Variants in ADCY9 observed in about 807,000 individuals in gnomAD.
ADCY9 encodes adenylate cyclase type 9.
In ADCY9, 50 loss-of-function variants were observed where a neutral mutation model predicts 101.5. The ratio of observed to expected loss-of-function variants is 0.49; its 90% CI spans 0.39 to 0.62. ADCY9 has a LOEUF of 0.62. Ranked by LOEUF, ADCY9 falls within the 20% of genes least tolerant of loss-of-function variation. The pLI, the probability that ADCY9 is intolerant of heterozygous loss-of-function variation, is 0.00. For synonymous variants in ADCY9, 905 were observed against 769.3 expected (o/e 1.18, Z -2.92); for missense variants, 1,662 against 1,800.4 (o/e 0.92, Z 1.39).
intron 2 of ADCY9, among the ~76,000 whole-genome samples, chr16:4,107,622 G>C (rs1171443302): frequency 6.7e-6 from 1 of 148,740 alleles, no homozygotes; most frequent in Non-Finnish European, 1.5e-5. Context: ...CAAGGAGACT[G>C]AGCTCTGCTA....
intron 2 of ADCY9, among the ~76,000 whole-genome samples, chr16:4,034,871 A>C (rs1018762874): frequency 3.3e-5 from 5 of 152,090 alleles, no homozygotes; most frequent in Non-Finnish European, 7.3e-5. Flanking sequence ...TGGAAGCAAG[A>C]CCCTTCTGGT....
At position 3,965,761 on chromosome 16, in the gene ADCY9, G is replaced by A. The variant is rs377050444; in HGVS notation, c.*14C>T. On this transcript the variant is annotated 3_prime_UTR_variant, in exon 11 of 11. Transcript: ENST00000294016. ...CGACAAACAGAGCACCTCGGGCAGC[G>A]GGTGGGCGCCGCCTCACACACTCTT... 1.1e-4 allele frequency: 182 copies of A among 1,595,650 alleles called. No individual in the cohort carries two copies. Among genetic ancestry groups the A allele is most frequent in the Non-Finnish European group, 1.5e-4 (174 of 1,169,846 alleles).
intron 2 of ADCY9, among the ~76,000 whole-genome samples, chr16:4,080,545 C>CA (rs1419772581): frequency 2.0e-5 from 3 of 152,162 alleles, no homozygotes. Flanking sequence ...AGGCATGACC[C>CA]ACCGTTCCCA....
At chr16:3,994,538 G>A (rs139726318) in intron 3 of ADCY9, among the ~76,000 whole-genome samples, 130 of 152,162 alleles carry the variant, frequency 8.5e-4, no homozygotes, top group African/African-American at 2.9e-3. Flanking sequence ...TCACTGCAAC[G>A]TCCACCTCCT....
chr16:4,115,476 T>A lies in ADCY9; in HGVS notation c.-34A>T. ...GTCCCGGGGCCTGCCCCGGCCGGGG[T>A]CACCAGTACCTGCCAGCAAAACGGG... On this transcript the variant is annotated 5_prime_UTR_variant, in exon 2 of 11. Transcript: ENST00000294016. This position sits in a 1 kb window ranked among gnomAD's most constrained non-coding sequence, Gnocchi z 6.2. 6.7e-7 allele frequency: 1 copy of A among 1,494,554 alleles called. No homozygotes were observed. Among genetic ancestry groups the A allele is most frequent in the South Asian group, 1.3e-5 (1 of 76,992 alleles). The allele number at this position is 1,494,554 out of a possible 1,614,324, so 92.6% of individuals were successfully genotyped here.
At chr16:4,073,751 T>C in intron 2 of ADCY9, among the ~76,000 whole-genome samples, 1 of 152,138 alleles carries the variant, frequency 6.6e-6, no homozygotes, top group East Asian at 1.9e-4. Flanking sequence ...AGACAAAGGC[T>C]GAGATCATTT....
At chr16:4,035,172 T>C (rs2056581042) in intron 2 of ADCY9, among the ~76,000 whole-genome samples, 1 of 152,180 alleles carries the variant, frequency 6.6e-6, no homozygotes, top group Non-Finnish European at 1.5e-5. Flanking sequence ...TGATAATTGC[T>C]TTGGGTTGAC....
chr16:3,964,232 C>G lies in ADCY9; in HGVS notation c.*1543G>C, dbSNP rs1344285508. 6.6e-6 allele frequency: 1 copy of G among 152,302 alleles called. No homozygotes were observed. The highest frequency in any genetic ancestry group is 1.5e-5 in the Non-Finnish European group (1 of 68,108). 9.4% of individuals were successfully genotyped at this position (152,302 alleles called of 1,614,324 possible). Reference sequence around the variant, plus strand: ...GGGCAAGACTGACAAGGAGTGCACCCTGGGCCTCATCAGCGTCCCGGGGTC... The same window carrying G: ...GGGCAAGACTGACAAGGAGTGCACCGTGGGCCTCATCAGCGTCCCGGGGTC... On this transcript the variant is annotated 3_prime_UTR_variant, in exon 11 of 11. Transcript: ENST00000294016.
At chr16:4,016,593 T>C (rs138147468) in intron 2 of ADCY9, among the ~76,000 whole-genome samples, 3 of 151,878 alleles carry the variant, frequency 2.0e-5, no homozygotes, top group East Asian at 3.9e-4. Context: ...AAATAGATTA[T>C]AGAAAGAAGA....
chr16:3,960,005 AAC>A (rs1377278689), downstream of ADCY9, among the ~76,000 whole-genome samples: 1 of 151,732 alleles, frequency 6.6e-6, no homozygotes, highest in Non-Finnish European at 1.5e-5. Context: ...TAGCCTGGGC[AAC>A]AGAGTGAGAC....
intron 2 of ADCY9, among the ~76,000 whole-genome samples, chr16:4,093,798 T>C (rs1014430752): frequency 2.0e-5 from 3 of 152,104 alleles, no homozygotes; most frequent in Admixed American, 1.3e-4. Context: ...AATCAAAGAA[T>C]AGCTTAAAAT....
Position 4,112,421 on chromosome 16 carries a change from G to A in ADCY9, c.1693+1329C>T, listed in dbSNP as rs541071139. ...AGAAAGATGATGTTCCCTTGCCAGA[G>A]AACAAATACATAAAAGATACAGGAG... On this transcript the variant is annotated intron_variant, in intron 2 of 10. Transcript: ENST00000294016. Among the ~76,000 whole-genome samples, 4 of 152,250 alleles carry A rather than the reference G, an allele frequency of 2.6e-5. 1 individual carries two copies. Among genetic ancestry groups the A allele is most frequent in the African/African-American group, 7.2e-5 (3 of 41,542 alleles).
intron 3 of ADCY9, among the ~76,000 whole-genome samples, chr16:4,003,403 C>T (rs888172017): frequency 2.0e-5 from 3 of 152,082 alleles, no homozygotes; most frequent in Non-Finnish European, 2.9e-5. Flanking sequence ...TGAAGGCGTG[C>T]GTGCCGAGTG....
At chr16:4,027,165 GA>G (rs1291265629) in intron 2 of ADCY9, among the ~76,000 whole-genome samples, 1 of 152,218 alleles carries the variant, frequency 6.6e-6, no homozygotes, top group East Asian at 1.9e-4. Context: ...TAAGGCTCCA[GA>G]AAATTCTCTA....
intron 2 of ADCY9, among the ~76,000 whole-genome samples, chr16:4,087,884 G>C (rs745952005): frequency 7.1e-6 from 1 of 140,046 alleles, no homozygotes; most frequent in African/African-American, 2.7e-5. Context: ...TGTCTCTCTC[G>C]CTCTCTCCCT....
intron 2 of ADCY9, among the ~76,000 whole-genome samples, chr16:4,080,756 A>G (rs2056896767): frequency 6.9e-6 from 1 of 145,918 alleles, no homozygotes; most frequent in African/African-American, 2.6e-5. Flanking sequence ...TTTATGCTCC[A>G]AAAACATTCC....
chr16:4,102,190 G>C (rs893881028), intron 2 of ADCY9, among the ~76,000 whole-genome samples: 1 of 152,106 alleles, frequency 6.6e-6, no homozygotes, highest in Non-Finnish European at 1.5e-5. Flanking sequence ...ATGCAAATAA[G>C]TGCTTTTCTT....
rs964630509 is a variant in ADCY9 at position 3,980,625 on chromosome 16, C to T, written c.2520-1350G>A. Among the ~76,000 whole-genome samples, 6 of 152,186 alleles carry T rather than the reference C, an allele frequency of 3.9e-5. No individual in the cohort carries two copies. The South Asian group carries it at 1.0e-3, about 26-fold the overall frequency. On this transcript the variant is annotated intron_variant, in intron 7 of 10. Coordinates refer to ENST00000294016, the MANE Select transcript of ADCY9 (RefSeq NM_001116.4). ...CTCTTGGCTGCGTGGTGTGGCCAGG[C>T]GAGGGAACGCTCACTCTCCAGCCAT... is the stretch of plus-strand genomic sequence containing the variant.
rs1267493927 is a variant in ADCY9 at position 3,983,223 on chromosome 16, G to C, written c.2519+9C>G. The C allele has an allele frequency of 6.5e-7, 1 of 1,546,062 alleles. No individual in the cohort carries two copies. The highest frequency in any genetic ancestry group is 8.7e-7 in the Non-Finnish European group (1 of 1,144,556). ...TCAGAGCTGGAGACCCAGTCCACGC[G>C]GCGCTTACCTGATGGACACCGCGAG... is the stretch of plus-strand genomic sequence containing the variant. On this transcript the variant is annotated intron_variant, in intron 7 of 10. Coordinates refer to ENST00000294016, the MANE Select transcript of ADCY9 (RefSeq NM_001116.4).
Sources: gnomAD v4.1 joint callset for allele counts (sites outside exome capture counted in the v4.1 genomes callset) on GRCh38, gnomAD v4.1.1 for gene constraint, Gnocchi (gnomAD v3.1) non-coding constraint, MANE v1.5 for transcripts, NCBI Gene and HGNC (gene_info 2026-07-23, HGNC 2026-07-21) for gene names.